EYS: variants seen among roughly 807,000 people sequenced by gnomAD.
The protein encoded by EYS is EGF-like photoreceptor maintenance factor, also known as protein eyes shut homolog.
A neutral mutation model predicts 282.1 loss-of-function variants in EYS; 250 were observed. The observed-to-expected ratio is 0.89, with a 90% CI of 0.80 to 0.98. The LOEUF (loss-of-function observed/expected upper bound fraction) is 0.98. Among genes scored for constraint, EYS ranks in the 50% least tolerant of loss-of-function variants. The probability of loss-of-function intolerance (pLI) is 0.00; values close to 1 mark genes in which losing one functional copy is unlikely to be tolerated. For missense variants in EYS, 4,016 were observed against 3,709.0 expected (o/e 1.08, Z -2.15); for synonymous variants, 1,355 against 1,282.9 (o/e 1.06, Z -1.20).
At chr6:64,067,433 G>T (rs902239178) in intron 32 of EYS, among the ~76,000 whole-genome samples, 2 of 151,998 alleles carry the variant, frequency 1.3e-5, no homozygotes, top group Non-Finnish European at 2.9e-5. Context: ...ATGTTTAACA[G>T]CTATAGTTAG....
intron 31 of EYS, among the ~76,000 whole-genome samples, chr6:64,227,084 A>AT (rs1374625407): frequency 2.6e-5 from 4 of 152,052 alleles, no homozygotes; most frequent in Admixed American, 1.3e-4. Flanking sequence ...GCAATTATAT[A>AT]TTTTTTCAGT....
intron 15 of EYS, among the ~76,000 whole-genome samples, chr6:64,939,978 C>T (rs1344508437): frequency 6.6e-6 from 1 of 152,006 alleles, no homozygotes; most frequent in Non-Finnish European, 1.5e-5. Flanking sequence ...AATCCCCTGT[C>T]ATGGCTAATA....
At chr6:64,056,341 A>G (rs1045537745) in intron 33 of EYS, among the ~76,000 whole-genome samples, 5 of 152,196 alleles carry the variant, frequency 3.3e-5, no homozygotes, top group Admixed American at 6.5e-5. Context: ...ATTTTTAGAA[A>G]TCCTCAGGAC....
intron 35 of EYS, among the ~76,000 whole-genome samples, chr6:63,952,321 T>C (rs530879934): frequency 1.8e-4 from 28 of 152,132 alleles, no homozygotes; most frequent in Non-Finnish European, 4.0e-4. Context: ...CCTGGAACTC[T>C]GGCCCAAGGC....
chr6:64,142,121 T>C (rs1774357089), intron 31 of EYS, among the ~76,000 whole-genome samples: 1 of 152,002 alleles, frequency 6.6e-6, no homozygotes, highest in South Asian at 2.1e-4. Context: ...GAGAAAAAGA[T>C]CTTCCTCAAG....
chr6:65,199,613 T>G (rs1273895084), intron 12 of EYS, among the ~76,000 whole-genome samples: 1 of 152,088 alleles, frequency 6.6e-6, no homozygotes, highest in Non-Finnish European at 1.5e-5. Flanking sequence ...AAGTGATATG[T>G]ACATGAGATG....
At chr6:65,261,626 G>A (rs1384646978) in intron 12 of EYS, among the ~76,000 whole-genome samples, 1 of 152,000 alleles carries the variant, frequency 6.6e-6, no homozygotes, top group Non-Finnish European at 1.5e-5. Context: ...TAAGAAGATT[G>A]TCATTTGTCT....
At chr6:65,539,422 T>C (rs1227483894) in intron 2 of EYS, among the ~76,000 whole-genome samples, 2 of 152,172 alleles carry the variant, frequency 1.3e-5, no homozygotes, top group Non-Finnish European at 2.9e-5. Context: ...TAGCAATTTC[T>C]GAGAAAGCTA....
At chr6:65,011,958 T>C (rs1478396977) in intron 13 of EYS, among the ~76,000 whole-genome samples, 1 of 152,114 alleles carries the variant, frequency 6.6e-6, no homozygotes, top group Non-Finnish European at 1.5e-5. Flanking sequence ...TATTAAATCT[T>C]GCAACAGCAA....
At chr6:64,449,530 G>A (rs1466220636) in intron 26 of EYS, among the ~76,000 whole-genome samples, 1 of 152,074 alleles carries the variant, frequency 6.6e-6, no homozygotes, top group Admixed American at 6.6e-5. Flanking sequence ...TCCTCGAGAA[G>A]AGCAACTCCA....
chr6:65,274,214 C>T (rs1562064999), intron 12 of EYS, among the ~76,000 whole-genome samples: 1 of 152,108 alleles, frequency 6.6e-6, no homozygotes, highest in Non-Finnish European at 1.5e-5. Context: ...TATCTCTAAC[C>T]AGGAAAACTG....
intron 29 of EYS, among the ~76,000 whole-genome samples, chr6:64,337,111 G>A (rs1271794129): frequency 6.6e-6 from 1 of 151,860 alleles, no homozygotes; most frequent in Non-Finnish European, 1.5e-5. Flanking sequence ...GCAGAAGAAA[G>A]GATGTAACAA....
intron 26 of EYS, among the ~76,000 whole-genome samples, chr6:64,479,494 C>A (rs769090839): frequency 6.6e-6 from 1 of 151,932 alleles, no homozygotes; most frequent in Non-Finnish European, 1.5e-5. Flanking sequence ...CTGCACTGGA[C>A]AATTGACTCT....
In EYS at chr6:64,945,882, T is replaced by A. The variant is rs1769272752; in HGVS notation, c.2292A>T (p.Glu764Asp). 1 of 1,548,676 alleles carries A rather than the reference T, an allele frequency of 6.5e-7. No homozygotes were observed. The highest frequency in any genetic ancestry group is 8.7e-7 in the Non-Finnish European group (1 of 1,144,912). The change falls in exon 15 of 43, where the codon GAA (glutamate) becomes GAT (aspartate). Residue 764 changes from glutamate (E) to aspartate (D), a missense_variant. Coordinates refer to ENST00000503581, the MANE Select transcript of EYS (RefSeq NM_001142800.2). ...TGGATTCTTGTTCACAAAAATTTCC[T>A]TCCCAATCAGATAGGCACACACACT... ...SYQCVCLSDW[E>D]GNFCEQESNE...
intron 11 of EYS, chr6:65,302,426 T>G: frequency 1.6e-6 from 1 of 634,570 alleles, no homozygotes; most frequent in East Asian, 2.7e-5. Flanking sequence ...TTTGGAAGAT[T>G]AAACCCATTT....
chr6:65,019,748 T>A (rs1320174885), intron 13 of EYS, among the ~76,000 whole-genome samples: 3 of 152,142 alleles, frequency 2.0e-5, no homozygotes, highest in Admixed American at 6.5e-5. Context: ...GTAATTGTAT[T>A]AGTCCATTCT....
At chr6:64,814,186 C>A (rs1201068842) in intron 21 of EYS, among the ~76,000 whole-genome samples, 1 of 152,064 alleles carries the variant, frequency 6.6e-6, no homozygotes, top group Non-Finnish European at 1.5e-5. Context: ...ACACCTGTAG[C>A]TGCAGAAGTG....
intron 18 of EYS, among the ~76,000 whole-genome samples, chr6:64,897,748 G>T (rs1306950062): frequency 6.6e-6 from 1 of 152,148 alleles, no homozygotes; most frequent in Non-Finnish European, 1.5e-5. Flanking sequence ...AACCAGTTTA[G>T]AGAAGAACAT....
At chr6:65,071,153 T>C (rs1773890988) in intron 12 of EYS, among the ~76,000 whole-genome samples, 1 of 151,778 alleles carries the variant, frequency 6.6e-6, no homozygotes, top group Non-Finnish European at 1.5e-5. Flanking sequence ...AAATGGATTA[T>C]GGCTAAATGG....
Sources: gnomAD v4.1 joint callset for allele counts (sites outside exome capture counted in the v4.1 genomes callset) on GRCh38, gnomAD v4.1.1 for gene constraint, MANE v1.5 for transcripts, NCBI Gene and HGNC (gene_info 2026-07-23, HGNC 2026-07-21) for gene names.